Variants in MRPS21 observed in about 807,000 individuals in gnomAD.
MRPS21 encodes the protein small ribosomal subunit protein bS21m.
Under a neutral mutation model 9.9 loss-of-function variants are expected in MRPS21, and 8 were observed. The ratio of observed to expected loss-of-function variants is 0.81; its 90% CI spans 0.47 to 1.45. The LOEUF (loss-of-function observed/expected upper bound fraction) is 1.45. Ranked by LOEUF, MRPS21 falls within the 40% of genes most tolerant of loss-of-function variation. The probability of loss-of-function intolerance (pLI) is 0.00; values close to 1 mark genes in which losing one functional copy is unlikely to be tolerated. For synonymous variants in MRPS21, 40 were observed against 40.3 expected (o/e 0.99, Z 0.03); for missense variants, 101 against 118.9 (o/e 0.85, Z 0.70).
At position 150,308,350 on chromosome 1, in the gene MRPS21, G is replaced by T. The variant is rs1473176714; in HGVS notation, c.*122G>T. 8 of 989,600 alleles carry T rather than the reference G, an allele frequency of 8.1e-6. No homozygotes were observed. Among genetic ancestry groups the T allele is most frequent in the African/African-American group, 1.6e-5 (1 of 62,178 alleles). The allele number at this position is 989,600 out of a possible 1,614,324, so 61.3% of individuals were successfully genotyped here. A position where few individuals can be genotyped will look rare whatever the true frequency, so the allele number is the denominator to read the frequency against. ...ATAAACTCAAATCACATGTCTGCAA[G>T]AAGGCCTCCAAATATAGAAACAATC... On this transcript the variant is annotated 3_prime_UTR_variant, in exon 3 of 3. Transcript: ENST00000614145.
Position 150,307,348 on chromosome 1 carries a change from C to CTTTTTTTTTTTTTTTTTTTTT in MRPS21, c.84-698_84-678dup, listed in dbSNP as rs1572154026. Among the ~76,000 whole-genome samples the CTTTTTTTTTTTTTTTTTTTTT allele has an allele frequency of 3.4e-5, 3 of 87,552 alleles. 1 individual carries two copies. The highest frequency in any genetic ancestry group is 2.2e-5 in the Non-Finnish European group (1 of 45,770). 57.4% of individuals were successfully genotyped at this position (87,552 alleles called of 152,430 possible). On this transcript the variant is annotated intron_variant, in intron 2 of 2. Transcript: ENST00000614145. ...CAGGCATGAGTCACTGTGCCCAGTC[C>CTTTTTTTTTTTTTTTTTTTTT]TTTTTTTTTTTTTTTTTTTTTTCCT...
At chr1:150,301,210 C>T (rs1274743917) in intron 2 of MRPS21, 1 of 164,090 alleles carries the variant, frequency 6.1e-6, no homozygotes, top group South Asian at 1.2e-4. Flanking sequence ...TGGCGGGCGC[C>T]TATAGTCCCA....
At chr1:150,295,522 G>A (rs1553856394) in intron 2 of MRPS21, among the ~76,000 whole-genome samples, 2 of 152,208 alleles carry the variant, frequency 1.3e-5, no homozygotes, top group Non-Finnish European at 2.9e-5. Flanking sequence ...AAATCAAGAT[G>A]TGAAGTTGCT....
intron 2 of MRPS21, among the ~76,000 whole-genome samples, chr1:150,300,305 T>G (rs1654069625): frequency 6.6e-6 from 1 of 151,810 alleles, no homozygotes. Context: ...ATCGCGCCAC[T>G]GCACTCCAGC....
chr1:150,307,050 A>AT (rs10561928), intron 2 of MRPS21, among the ~76,000 whole-genome samples: 69,530 of 148,664 alleles, frequency 0.47, 17,152 homozygotes, highest in East Asian at 0.75. Flanking sequence ...TATTTCCCCA[A>AT]TTTTTTTTTT....
Position 150,294,320 on chromosome 1 carries a change from TC to T in MRPS21, c.-32-13del. 1 of 1,523,158 alleles carries T rather than the reference TC, an allele frequency of 6.6e-7. No homozygotes were observed. Among genetic ancestry groups the T allele is most frequent in the Non-Finnish European group, 9.1e-7 (1 of 1,099,518 alleles). 94.4% of individuals were successfully genotyped at this position (1,523,158 alleles called of 1,614,324 possible). On this transcript the variant is annotated splice_polypyrimidine_tract_variant and intron_variant, in intron 1 of 2. Coordinates refer to ENST00000614145, the MANE Select transcript of MRPS21 (RefSeq NM_031901.6). ...CTCTTTCTGCTTTCCTCGCCCTTTC[TC>T]CATCATCCTTTAGGCTCTACAGAGT...
chr1:150,301,974 C>T (rs1553857774), intron 2 of MRPS21, among the ~76,000 whole-genome samples: 2 of 152,182 alleles, frequency 1.3e-5, no homozygotes, highest in Non-Finnish European at 2.9e-5. Context: ...ATCCAATCTT[C>T]TGTTTTCCTG....
At chr1:150,301,992 T>G (rs1325791896) in intron 2 of MRPS21, among the ~76,000 whole-genome samples, 1 of 152,238 alleles carries the variant, frequency 6.6e-6, no homozygotes, top group Non-Finnish European at 1.5e-5. Context: ...CTGCTGCCTG[T>G]TAAACACATT....
intron 2 of MRPS21, among the ~76,000 whole-genome samples, chr1:150,306,310 G>GTC (rs10623734): frequency 0.69 from 103,531 of 151,036 alleles, 36,345 homozygotes; most frequent in African/African-American, 0.85. Context: ...TGAGACAAGA[G>GTC]TCTGTTGCCC....
chr1:150,308,038 C>T lies in MRPS21; in HGVS notation c.84-10C>T, dbSNP rs1272019937. On this transcript the variant is annotated splice_polypyrimidine_tract_variant and intron_variant, in intron 2 of 2. Coordinates refer to ENST00000614145, the MANE Select transcript of MRPS21 (RefSeq NM_031901.6). ...CCAAATGTCTAACCTCATTGCTTGCCTTTATACAGAATCCTCACTATGGAT... is the reference window on the plus strand; with the variant it reads ...CCAAATGTCTAACCTCATTGCTTGCTTTTATACAGAATCCTCACTATGGAT... The T allele has an allele frequency of 6.4e-7, 1 of 1,569,708 alleles. No homozygotes were observed. Among genetic ancestry groups the T allele is most frequent in the East Asian group, 2.3e-5 (1 of 43,814 alleles).
intron 2 of MRPS21, among the ~76,000 whole-genome samples, chr1:150,296,665 G>A (rs1380941671): frequency 6.6e-6 from 1 of 152,226 alleles, no homozygotes; most frequent in Admixed American, 6.5e-5. Context: ...GGAAGCCTTG[G>A]AAGATCAGAT....
chr1:150,299,465 TTTGTTTGA>T (rs1654035618), intron 2 of MRPS21, among the ~76,000 whole-genome samples: 1 of 152,050 alleles, frequency 6.6e-6, no homozygotes, highest in Non-Finnish European at 1.5e-5. Flanking sequence ...TGTTTGTTTG[TTTGTTTGA>T]GACGATGTCT....
intron 2 of MRPS21, among the ~76,000 whole-genome samples, chr1:150,295,154 C>T (rs1653871914): frequency 1.3e-5 from 2 of 151,914 alleles, no homozygotes; most frequent in Admixed American, 1.3e-4. Flanking sequence ...CGCCACCACG[C>T]CCGGTTAATT....
chr1:150,304,037 G>A (rs370898407), intron 2 of MRPS21: 67 of 395,550 alleles, frequency 1.7e-4, no homozygotes, highest in African/African-American at 8.4e-4. Flanking sequence ...TCAGCCGGGC[G>A]TGGTGGCTCA....
At chr1:150,303,800 A>G in intron 2 of MRPS21, 1 of 426,534 alleles carries the variant, frequency 2.3e-6, no homozygotes, top group South Asian at 1.6e-5. Context: ...TTTCTGAGCT[A>G]TATCCCCAAT....
chr1:150,303,944 G>A (rs587755311), intron 2 of MRPS21: 23 of 455,864 alleles, frequency 5.0e-5, no homozygotes, highest in African/African-American at 4.0e-4. Flanking sequence ...AGTGAATACA[G>A]ATTTGATCTC....
intron 2 of MRPS21, among the ~76,000 whole-genome samples, chr1:150,307,372 C>CTTTTTTT (rs1159033815): frequency 1.8e-5 from 2 of 111,002 alleles, no homozygotes; most frequent in Admixed American, 1.0e-4. Flanking sequence ...TTTTTTTTTC[C>CTTTTTTT]TTTGAGTCAA....
At chr1:150,303,899 A>G (rs1454923893) in intron 2 of MRPS21, 6 of 455,892 alleles carry the variant, frequency 1.3e-5, no homozygotes, top group African/African-American at 6.0e-5. Context: ...TACATTTCCT[A>G]GTTGTTCTTT....
At chr1:150,296,948 A>C (rs1271599605) in intron 2 of MRPS21, among the ~76,000 whole-genome samples, 2 of 152,176 alleles carry the variant, frequency 1.3e-5, no homozygotes, top group African/African-American at 4.8e-5. Flanking sequence ...TTAGCAAAGC[A>C]GAGAGTTCTA....
Sources: gnomAD v4.1 joint callset for allele counts (sites outside exome capture counted in the v4.1 genomes callset) on GRCh38, gnomAD v4.1.1 for gene constraint, MANE v1.5 for transcripts, NCBI Gene and HGNC (gene_info 2026-07-23, HGNC 2026-07-21) for gene names.